The following NAV2 variants were observed in gnomAD, a reference collection of about 807,000 sequenced individuals.
NAV2 encodes the protein helicase, APC down-regulated 1.
In NAV2, 54 loss-of-function variants were observed where a neutral mutation model predicts 223.2. The ratio of observed to expected loss-of-function variants is 0.24; its 90% CI spans 0.19 to 0.30. NAV2 has a LOEUF of 0.30. NAV2 is among the 10% of genes least tolerant of loss of function. The pLI, the probability that NAV2 is intolerant of heterozygous loss-of-function variation, is 1.00. For missense variants in NAV2, 2,806 were observed against 3,147.5 expected, an observed-to-expected ratio of 0.89 and a Z score of 2.60; for synonymous variants, 1,279 against 1,239.3, an observed-to-expected ratio of 1.03 and a Z score of -0.67.
intron 26 of NAV2, among the ~76,000 whole-genome samples, chr11:20,089,383 C>T (rs1017458673): frequency 6.6e-6 from 1 of 152,190 alleles, no homozygotes; most frequent in Non-Finnish European, 1.5e-5. Flanking sequence ...TTTCTGCCCC[C>T]GAAATACAAT....
At chr11:20,055,989 A>T in intron 19 of NAV2, 32 bp downstream of exon 19, 4 of 1,589,042 alleles carry the variant, frequency 2.5e-6, no homozygotes, top group Non-Finnish European at 3.4e-6. Context: ...GTAAGGAAGG[A>T]AACTTCCATC....
chr11:19,432,808 T>C (rs745811570), intron 1 of NAV2, among the ~76,000 whole-genome samples: 5 of 152,232 alleles, frequency 3.3e-5, no homozygotes, highest in Non-Finnish European at 7.3e-5. Context: ...TCTTGTGTTC[T>C]TTACCCTCAT....
intron 3 of NAV2, among the ~76,000 whole-genome samples, chr11:19,862,145 A>G (rs2061829386): frequency 6.6e-6 from 1 of 152,234 alleles, no homozygotes; most frequent in African/African-American, 2.4e-5. Flanking sequence ...CTCTAGAGAT[A>G]ATTTTTTTTT....
intron 20 of NAV2, among the ~76,000 whole-genome samples, chr11:20,065,775 A>G (rs2059007933): frequency 6.6e-6 from 1 of 152,218 alleles, no homozygotes; most frequent in African/African-American, 2.4e-5. Context: ...GCCTTGTCCT[A>G]TGTGGATGGC....
chr11:19,508,815 C>T (rs2043195218), intron 1 of NAV2, among the ~76,000 whole-genome samples: 1 of 152,172 alleles, frequency 6.6e-6, no homozygotes, highest in South Asian at 2.1e-4. Flanking sequence ...AATAAATGAA[C>T]TAGCAAGTAA....
chr11:19,825,942 T>C (rs1432401703), intron 1 of NAV2, among the ~76,000 whole-genome samples: 1 of 152,208 alleles, frequency 6.6e-6, no homozygotes, highest in Non-Finnish European at 1.5e-5. Context: ...TCCCCTTTTA[T>C]CTTGTCAAGC....
intron 10 of NAV2, among the ~76,000 whole-genome samples, chr11:19,965,053 A>T (rs2048654476): frequency 6.6e-6 from 1 of 152,066 alleles, no homozygotes; most frequent in Non-Finnish European, 1.5e-5. Context: ...TCCTGACCTC[A>T]GGTGATCCAC....
chr11:19,666,748 C>T (rs575589028), intron 1 of NAV2, among the ~76,000 whole-genome samples: 1 of 152,090 alleles, frequency 6.6e-6, no homozygotes, highest in Non-Finnish European at 1.5e-5. Context: ...GCCCCTTTAC[C>T]TCCACCTCCA....
chr11:19,687,951 G>C (rs1481960191), intron 1 of NAV2, among the ~76,000 whole-genome samples: 1 of 152,170 alleles, frequency 6.6e-6, no homozygotes, highest in Non-Finnish European at 1.5e-5. Flanking sequence ...GAGAGCCCCT[G>C]TGCCCTAGCG....
intron 1 of NAV2, among the ~76,000 whole-genome samples, chr11:19,362,434 C>T (rs943431019): frequency 1.3e-5 from 2 of 152,130 alleles, no homozygotes; most frequent in Admixed American, 6.5e-5. Context: ...TGATGAGCTA[C>T]TTATTTTTCT....
intron 3 of NAV2, among the ~76,000 whole-genome samples, chr11:19,867,302 C>T (rs1486635606): frequency 3.3e-5 from 5 of 152,192 alleles, no homozygotes; most frequent in Non-Finnish European, 5.9e-5. Flanking sequence ...TAAATGCAGG[C>T]TCCTGTGTAT....
chr11:19,950,232 C>T (rs914135988), intron 10 of NAV2, among the ~76,000 whole-genome samples: 5 of 152,188 alleles, frequency 3.3e-5, no homozygotes, highest in Non-Finnish European at 7.3e-5. Context: ...ATCAAGAACC[C>T]AATGGGTGAG....
chr11:20,026,900 A>G (rs1483866924), intron 11 of NAV2, among the ~76,000 whole-genome samples: 2 of 152,232 alleles, frequency 1.3e-5, no homozygotes, highest in Non-Finnish European at 2.9e-5. Flanking sequence ...TTACATAACA[A>G]CAGAGCCTGA....
intron 11 of NAV2, among the ~76,000 whole-genome samples, chr11:20,007,418 G>A (rs1325737652): frequency 6.6e-6 from 1 of 152,234 alleles, no homozygotes; most frequent in Non-Finnish European, 1.5e-5. Flanking sequence ...TGGAGGTGCA[G>A]GGCAAGTTTG....
intron 1 of NAV2, among the ~76,000 whole-genome samples, chr11:19,603,643 AAAAAAAG>A (rs918376873): frequency 8.6e-5 from 13 of 151,004 alleles, no homozygotes; most frequent in South Asian, 2.1e-4. Context: ...AAAAAAAAAA[AAAAAAAG>A]AAAAAAGAAA....
intron 5 of NAV2, among the ~76,000 whole-genome samples, chr11:19,881,754 C>G (rs2063219810): frequency 6.6e-6 from 1 of 152,076 alleles, no homozygotes; most frequent in South Asian, 2.1e-4. Context: ...AGGGAGCTAT[C>G]AGATAGTGGT....
chr11:20,050,572 G>GA (rs1260684558), intron 16 of NAV2, among the ~76,000 whole-genome samples: 5,659 of 69,994 alleles, frequency 0.081, 371 homozygotes, highest in African/African-American at 0.22. Flanking sequence ...TCTCCTGCCA[G>GA]AAAAAAAAAA....
At chr11:19,541,518 G>A (rs1049366704) in intron 1 of NAV2, among the ~76,000 whole-genome samples, 1 of 152,246 alleles carries the variant, frequency 6.6e-6, no homozygotes, top group African/African-American at 2.4e-5. Flanking sequence ...GACTCTGGCT[G>A]TCTCTGGGGC....
At chr11:19,906,506 T>G (rs1257187678) in intron 6 of NAV2, among the ~76,000 whole-genome samples, 1 of 152,204 alleles carries the variant, frequency 6.6e-6, no homozygotes, top group Non-Finnish European at 1.5e-5. Context: ...GTTGATGGAT[T>G]GATTTCAGTT....
Sources: allele counts gnomAD v4.1 joint callset (sites outside exome capture counted in the v4.1 genomes callset), GRCh38; gene constraint gnomAD v4.1.1; transcripts MANE v1.5; gene names NCBI Gene and HGNC (gene_info 2026-07-23, HGNC 2026-07-21).